SMYD3: variants seen among roughly 807,000 people sequenced by gnomAD.
SMYD3 encodes the protein SET and MYND domain containing 3, also known as histone-lysine N-methyltransferase SMYD3.
Under a neutral mutation model 57.7 loss-of-function variants are expected in SMYD3, and 36 were observed. The ratio of observed to expected loss-of-function variants is 0.62; its 90% confidence interval spans 0.48 to 0.82. The LOEUF (loss-of-function observed/expected upper bound fraction) is 0.82, where lower values mean the gene tolerates loss of function less well. SMYD3 is among the 40% of genes least tolerant of loss of function. SMYD3 has a pLI of 0.00. For missense variants in SMYD3, 515 were observed against 538.8 expected (o/e 0.96, Z 0.44); for synonymous variants, 211 against 195.0 (o/e 1.08, Z -0.68).
At chr1:246,268,240 C>A (rs1443835475) in intron 5 of SMYD3, among the ~76,000 whole-genome samples, 1 of 152,194 alleles carries the variant, frequency 6.6e-6, no homozygotes, top group Admixed American at 6.5e-5. Context: ...CCGGACAAAT[C>A]AGACCAAAAG....
At chr1:246,406,159 A>G (rs80106781) in intron 1 of SMYD3, among the ~76,000 whole-genome samples, 9,836 of 151,958 alleles carry the variant, frequency 0.065, 624 homozygotes, top group East Asian at 0.32. Context: ...CCCAGGCTCA[A>G]GCAATCTGCC....
intron 1 of SMYD3, among the ~76,000 whole-genome samples, chr1:246,488,083 A>G (rs2068214678): frequency 6.6e-6 from 1 of 152,174 alleles, no homozygotes. Flanking sequence ...CATTCATTAA[A>G]TCCTGCTCAT....
At chr1:246,362,235 T>C (rs1351873739) in intron 1 of SMYD3, among the ~76,000 whole-genome samples, 2 of 152,210 alleles carry the variant, frequency 1.3e-5, no homozygotes, top group African/African-American at 4.8e-5. Context: ...ACAAATTTTG[T>C]CTTAAATTAT....
At chr1:246,103,192 T>C (rs2061050330) in intron 5 of SMYD3, among the ~76,000 whole-genome samples, 1 of 152,204 alleles carries the variant, frequency 6.6e-6, no homozygotes, top group Non-Finnish European at 1.5e-5. Context: ...CAGAAAACTG[T>C]CAGTCAAGAT....
At chr1:245,987,900 T>C (rs185000100) in intron 5 of SMYD3, among the ~76,000 whole-genome samples, 95 of 152,150 alleles carry the variant, frequency 6.2e-4, no homozygotes, top group African/African-American at 2.2e-3. Context: ...CTCTGAAACT[T>C]AAAAAGAAAA....
At chr1:246,393,660 G>A (rs938734810) in intron 1 of SMYD3, among the ~76,000 whole-genome samples, 2 of 132,232 alleles carry the variant, frequency 1.5e-5, no homozygotes, top group Admixed American at 1.6e-4. Context: ...GCAACATAGC[G>A]TGACCCCCAT....
At chr1:245,928,385 T>C (rs557025279) in intron 6 of SMYD3, among the ~76,000 whole-genome samples, 61 of 152,224 alleles carry the variant, frequency 4.0e-4, no homozygotes, top group African/African-American at 1.5e-3. Flanking sequence ...AAGAAATACT[T>C]AGACAGCTGG....
chr1:246,216,398 A>G (rs1170660663), intron 5 of SMYD3, among the ~76,000 whole-genome samples: 10 of 152,114 alleles, frequency 6.6e-5, no homozygotes, highest in African/African-American at 2.4e-4. Flanking sequence ...GCACTGACAA[A>G]TATCTTCTAA....
chr1:246,225,110 C>A (rs1480491489), intron 5 of SMYD3, among the ~76,000 whole-genome samples: 1 of 151,060 alleles, frequency 6.6e-6, no homozygotes, highest in South Asian at 2.1e-4. Flanking sequence ...AATTAGAATC[C>A]TTTAAGGAGA....
chr1:246,441,604 C>T (rs1006232879), intron 1 of SMYD3, among the ~76,000 whole-genome samples: 7 of 152,088 alleles, frequency 4.6e-5, no homozygotes, highest in Non-Finnish European at 8.8e-5. Context: ...GCCTATATTT[C>T]TTTCTTTCTT....
chr1:245,862,760 T>A (rs2051623275), intron 9 of SMYD3, among the ~76,000 whole-genome samples: 1 of 152,232 alleles, frequency 6.6e-6, no homozygotes, highest in African/African-American at 2.4e-5. Context: ...CAAATCCCTT[T>A]CTAAAGTCTC....
chr1:246,465,745 A>G (rs1392487382), intron 1 of SMYD3, among the ~76,000 whole-genome samples: 1 of 152,204 alleles, frequency 6.6e-6, no homozygotes, highest in Non-Finnish European at 1.5e-5. Context: ...AAGGCTGTGG[A>G]GAAAAGAGAA....
At chr1:246,391,439 A>AAGGAGAGAGG (rs773344430) in intron 1 of SMYD3, among the ~76,000 whole-genome samples, 3,835 of 144,560 alleles carry the variant, frequency 0.027, 141 homozygotes, top group East Asian at 0.16. Context: ...AGAGAGAGAG[A>AAGGAGAGAGG]GAAGGAGAGA....
At chr1:245,990,035 G>A (rs765046697) in intron 5 of SMYD3, among the ~76,000 whole-genome samples, 14 of 152,064 alleles carry the variant, frequency 9.2e-5, no homozygotes, top group East Asian at 1.9e-4. Context: ...TTTCTTCTAC[G>A]TTTGTTGTAT....
intron 1 of SMYD3, 61 bp downstream of exon 1, chr1:246,506,993 C>CCCCCCCCCCCCCCCCCCCA: frequency 2.3e-6 from 2 of 884,058 alleles, no homozygotes; most frequent in East Asian, 4.5e-5. Flanking sequence ...CCCGACGCCC[C>CCCCCCCCCCCCCCCCCCCA]CCCCTCCCCA....
chr1:246,127,359 G>A (rs759565856), intron 5 of SMYD3, among the ~76,000 whole-genome samples: 6 of 152,168 alleles, frequency 3.9e-5, no homozygotes, highest in East Asian at 3.9e-4. Context: ...CAACAAAGAT[G>A]AGCCCAAGTA....
intron 1 of SMYD3, among the ~76,000 whole-genome samples, chr1:246,454,662 C>T (rs2067675964): frequency 6.6e-6 from 1 of 152,148 alleles, no homozygotes; most frequent in Admixed American, 6.5e-5. Context: ...GTTTATCATC[C>T]TATTTCATTA....
At chr1:245,817,018 G>A (rs945959685) in intron 10 of SMYD3, among the ~76,000 whole-genome samples, 10 of 151,536 alleles carry the variant, frequency 6.6e-5, no homozygotes, top group African/African-American at 2.2e-4. Context: ...AAAGCAGCCG[G>A]GAAGCTCGAA....
At position 246,324,984 on chromosome 1, in the gene SMYD3, CA is replaced by C. The variant is rs369706617; in HGVS notation, c.531+2216del. On this transcript the variant is annotated intron_variant, in intron 5 of 11. Coordinates refer to ENST00000490107, the MANE Select transcript of SMYD3 (RefSeq NM_001167740.2). ...TCATGAACAAGGAAGGAGAAGGAGTCAGGGGGCGGGAAGGAGGGAGAAGGAG... is the reference window on the plus strand; with the variant it reads ...TCATGAACAAGGAAGGAGAAGGAGTCGGGGGCGGGAAGGAGGGAGAAGGAG... Among the ~76,000 whole-genome samples, 123 of 92,798 alleles carry C rather than the reference CA, an allele frequency of 1.3e-3. 6 individuals carry two copies. Among genetic ancestry groups the C allele is most frequent in the South Asian group, 2.4e-3 (5 of 2,106 alleles). The allele number at this position is 92,798 out of a possible 152,430, so 60.9% of individuals were successfully genotyped here. A position where few individuals can be genotyped will look rare whatever the true frequency, so the allele number is the denominator to read the frequency against.
Sources: gnomAD v4.1 joint callset for allele counts (sites outside exome capture counted in the v4.1 genomes callset) on GRCh38, gnomAD v4.1.1 for gene constraint, MANE v1.5 for transcripts, NCBI Gene and HGNC (gene_info 2026-07-23, HGNC 2026-07-21) for gene names.